PPP1R12B: variants seen among roughly 807,000 people sequenced by gnomAD.
The protein encoded by PPP1R12B is protein phosphatase 1 regulatory subunit 12B.
In PPP1R12B, 76 loss-of-function variants were observed where a neutral mutation model predicts 126.1. The ratio of observed to expected loss-of-function variants is 0.60; its 90% confidence interval spans 0.50 to 0.73. The LOEUF (loss-of-function observed/expected upper bound fraction) is 0.73. Ranked by LOEUF, PPP1R12B falls within the 30% of genes least tolerant of loss-of-function variation. The probability of loss-of-function intolerance (pLI) is 0.00; values close to 1 mark genes in which losing one functional copy is unlikely to be tolerated. For synonymous variants in PPP1R12B, 356 were observed against 434.7 expected, an observed-to-expected ratio of 0.82 and a Z score of 2.25; for missense variants, 1,052 against 1,205.1, an observed-to-expected ratio of 0.87 and a Z score of 1.88.
chr1:202,483,791 G>A (rs543507849), intron 13 of PPP1R12B, among the ~76,000 whole-genome samples: 4 of 152,214 alleles, frequency 2.6e-5, no homozygotes, highest in South Asian at 2.1e-4. Flanking sequence ...ATATCTGGGC[G>A]CTCTGGTCTT....
At chr1:202,526,127 G>A (rs567426878) in intron 18 of PPP1R12B, among the ~76,000 whole-genome samples, 1 of 152,348 alleles carries the variant, frequency 6.6e-6, no homozygotes, top group South Asian at 2.1e-4. Context: ...GTAGGGTCTA[G>A]GGTACAAGTT....
intron 18 of PPP1R12B, among the ~76,000 whole-genome samples, chr1:202,515,736 G>A (rs911293225): frequency 6.6e-6 from 1 of 151,988 alleles, no homozygotes; most frequent in African/African-American, 2.4e-5. Context: ...TTTATTTTTT[G>A]TAGAGATGGA....
At chr1:202,503,782 C>CTT in intron 18 of PPP1R12B, among the ~76,000 whole-genome samples, 1 of 144,014 alleles carries the variant, frequency 6.9e-6, no homozygotes, top group African/African-American at 2.5e-5. Flanking sequence ...CTTATTTTAC[C>CTT]TTTTTTTTTT....
chr1:202,430,582 AT>A (rs1670065276), intron 6 of PPP1R12B, 148 bp from the exon 7 acceptor site: 1 of 673,254 alleles, frequency 1.5e-6, no homozygotes, highest in Non-Finnish European at 2.4e-6. Context: ...CCCAACTGAT[AT>A]GTTTCTCTTT....
At chr1:202,395,287 C>T (rs1159584329) in intron 1 of PPP1R12B, among the ~76,000 whole-genome samples, 2 of 152,078 alleles carry the variant, frequency 1.3e-5, no homozygotes, top group Admixed American at 6.6e-5. Context: ...TCACATAACT[C>T]GGTGTTAGGA....
chr1:202,525,742 TGGAGTGG>T (rs2148925841), intron 18 of PPP1R12B, among the ~76,000 whole-genome samples: 1 of 152,184 alleles, frequency 6.6e-6, no homozygotes, highest in South Asian at 2.1e-4. Context: ...TTGCCCAGGC[TGGAGTGG>T]TGCAATGGTG....
chr1:202,562,418 G>A (rs911748029), intron 19 of PPP1R12B, among the ~76,000 whole-genome samples: 4 of 152,178 alleles, frequency 2.6e-5, no homozygotes, highest in African/African-American at 9.7e-5. Context: ...TTTTCCAAGA[G>A]CCATTGAAAT....
At chr1:202,384,998 T>C (rs1662905527) in intron 1 of PPP1R12B, among the ~76,000 whole-genome samples, 1 of 152,252 alleles carries the variant, frequency 6.6e-6, no homozygotes, top group South Asian at 2.1e-4. Flanking sequence ...AATAATTCTT[T>C]AATTGATTAT....
rs147997201 is a variant in PPP1R12B at position 202,496,278 on chromosome 1, A to G, written c.2449-503A>G. Reference sequence around the variant, plus strand: ...AGTAGTTCCATTCATCCTCTTCCATATCTTGTTCTGTAGCCTTCTCATTCA... The same window carrying G: ...AGTAGTTCCATTCATCCTCTTCCATGTCTTGTTCTGTAGCCTTCTCATTCA... On this transcript the variant is annotated intron_variant, in intron 17 of 23. Transcript: ENST00000608999. Among the ~76,000 whole-genome samples, 523 of 152,324 alleles carry G rather than the reference A, an allele frequency of 3.4e-3. 1 individual carries two copies. The Middle Eastern group carries it at 0.037, about 11-fold the overall frequency.
intron 1 of PPP1R12B, among the ~76,000 whole-genome samples, chr1:202,413,612 G>A (rs1311140547): frequency 7.9e-5 from 12 of 152,060 alleles, no homozygotes; most frequent in African/African-American, 1.9e-4. Flanking sequence ...ATTATTATAC[G>A]TTACTAAGAA....
chr1:202,589,313 C>T lies in PPP1R12B; in HGVS notation c.*8753C>T, dbSNP rs1002990895. 1.3e-5 allele frequency: 2 copies of T among 152,206 alleles called. No individual in the cohort carries two copies. Among genetic ancestry groups the T allele is most frequent in the African/African-American group, 4.8e-5 (2 of 41,448 alleles). 9.4% of individuals were successfully genotyped at this position (152,206 alleles called of 1,614,324 possible). A position where few individuals can be genotyped will look rare whatever the true frequency, so the allele number is the denominator to read the frequency against. On this transcript the variant is annotated 3_prime_UTR_variant, in exon 24 of 24. Transcript: ENST00000608999. ...TTTCTCCATCCAGCAAGCCCTGCCT[C>T]TGGCTTTGCTCAGCCCTGTGTTTCC...
chr1:202,381,434 G>GTGTGTGTGTATA (rs71142528), intron 1 of PPP1R12B, among the ~76,000 whole-genome samples: 1 of 131,128 alleles, frequency 7.6e-6, no homozygotes, highest in Admixed American at 7.6e-5. Context: ...GTGTGTGTGT[G>GTGTGTGTGTATA]TGTATCATCC....
intron 13 of PPP1R12B, among the ~76,000 whole-genome samples, chr1:202,457,942 G>GAAA (rs567321103): frequency 7.0e-6 from 1 of 142,920 alleles, no homozygotes; most frequent in Non-Finnish European, 1.5e-5. Context: ...TTAGATGAAG[G>GAAA]AAAAAAAAAA....
intron 9 of PPP1R12B, among the ~76,000 whole-genome samples, chr1:202,435,941 G>T (rs1670751729): frequency 6.6e-6 from 1 of 152,124 alleles, no homozygotes; most frequent in South Asian, 2.1e-4. Context: ...AGGATGCCTA[G>T]ACTTCCTACT....
rs58683662 is a variant in PPP1R12B, at chr1:202,353,586, T to TTGTGTGTGTG, written c.291+4479_291+4488dup. 4.8e-3 allele frequency among the ~76,000 whole-genome samples: 583 copies of TTGTGTGTGTG among 120,792 alleles called. 8 individuals carry two copies. Among genetic ancestry groups the TTGTGTGTGTG allele is most frequent in the Middle Eastern group, 0.021 (5 of 240 alleles). The allele number at this position is 120,792 out of a possible 152,430, so 79.2% of individuals were successfully genotyped here. A position where few individuals can be genotyped will look rare whatever the true frequency, so the allele number is the denominator to read the frequency against. On this transcript the variant is annotated intron_variant, in intron 1 of 23. Transcript: ENST00000608999. Reference sequence around the variant, plus strand: ...AGAATTTCTTCCCTATTCTTCTTCTTTGTGTGTGTGTGTGTGTGTGTGTGT... The same window carrying TTGTGTGTGTG: ...AGAATTTCTTCCCTATTCTTCTTCTTTGTGTGTGTGTGTGTGTGTGTGTGTGTGTGTGTGT...
chr1:202,403,566 A>G (rs1444845115), intron 1 of PPP1R12B, among the ~76,000 whole-genome samples: 1 of 152,232 alleles, frequency 6.6e-6, no homozygotes, highest in Non-Finnish European at 1.5e-5. Flanking sequence ...CATGGTATTC[A>G]TGACACTGAC....
At position 202,425,739 on chromosome 1, in the gene PPP1R12B, A is replaced by C; in HGVS notation, c.701+14A>C. The C allele has an allele frequency of 6.2e-7, 1 of 1,608,316 alleles. No individual in the cohort carries two copies. The highest frequency in any genetic ancestry group is 1.1e-5 in the South Asian group (1 of 90,548). ...TGAAGTCCTCAGGTATTGTCCATTT[A>C]CATCAATCAGGAGTGGTTCACTGGG... On this transcript the variant is annotated intron_variant, in intron 4 of 23. Transcript: ENST00000608999.
chr1:202,513,266 G>T (rs1357362707), intron 18 of PPP1R12B, among the ~76,000 whole-genome samples: 2 of 152,066 alleles, frequency 1.3e-5, no homozygotes, highest in African/African-American at 4.8e-5. Context: ...GAGCCACTAT[G>T]CCCAGCCTGT....
At chr1:202,500,256 T>G (rs1680066056) in intron 18 of PPP1R12B, among the ~76,000 whole-genome samples, 1 of 151,888 alleles carries the variant, frequency 6.6e-6, no homozygotes, top group African/African-American at 2.4e-5. Context: ...ACTCTCACTG[T>G]CTCTCTGTCT....
Sources: gnomAD v4.1 joint callset for allele counts (sites outside exome capture counted in the v4.1 genomes callset) on GRCh38, gnomAD v4.1.1 for gene constraint, MANE v1.5 for transcripts, NCBI Gene and HGNC (gene_info 2026-07-23, HGNC 2026-07-21) for gene names.